GPC5: variants seen among roughly 807,000 people sequenced by gnomAD.
The protein encoded by GPC5 is glypican-5.
GPC5 carries 47 observed loss-of-function variants against 53.9 expected under a neutral mutation model. That is an observed-to-expected ratio of 0.87 (90% CI 0.69 to 1.11). The LOEUF (loss-of-function observed/expected upper bound fraction) is 1.11, where lower values mean the gene tolerates loss of function less well. Ranked by LOEUF, GPC5 falls within the 50% of genes most tolerant of loss-of-function variation. The probability of loss-of-function intolerance (pLI) is 0.00; values close to 1 mark genes in which losing one functional copy is unlikely to be tolerated. For missense variants in GPC5, 748 were observed against 713.1 expected (o/e 1.05, Z -0.56); for synonymous variants, 286 against 263.3 (o/e 1.09, Z -0.84).
intron 7 of GPC5, among the ~76,000 whole-genome samples, chr13:92,487,840 TAAAAAA>T (rs66972682): frequency 2.0e-5 from 2 of 99,596 alleles, no homozygotes; most frequent in African/African-American, 5.0e-5. Flanking sequence ...ATAAATATAG[TAAAAAA>T]AAAAAAAAAA....
chr13:91,471,221 A>G (rs1412744581), intron 2 of GPC5, among the ~76,000 whole-genome samples: 2 of 152,090 alleles, frequency 1.3e-5, no homozygotes, highest in African/African-American at 4.8e-5. Flanking sequence ...CTGCTTTTAC[A>G]TAAAACATTC....
chr13:92,585,692 C>T (rs1160136849), intron 7 of GPC5, among the ~76,000 whole-genome samples: 2 of 152,104 alleles, frequency 1.3e-5, no homozygotes, highest in Admixed American at 6.5e-5. Context: ...GCTGTGTCCC[C>T]ATCCAAATTT....
chr13:92,400,347 C>A (rs1875499622), intron 7 of GPC5, among the ~76,000 whole-genome samples: 1 of 152,146 alleles, frequency 6.6e-6, no homozygotes, highest in Non-Finnish European at 1.5e-5. Context: ...ACAGCAACAG[C>A]AACAGAGGGG....
At chr13:92,103,577 C>T (rs2041483460) in intron 6 of GPC5, among the ~76,000 whole-genome samples, 2 of 152,138 alleles carry the variant, frequency 1.3e-5, no homozygotes, top group South Asian at 2.1e-4. Flanking sequence ...TTTTGGAGAA[C>T]CCAAGGACCA....
intron 7 of GPC5, among the ~76,000 whole-genome samples, chr13:92,756,116 A>C (rs1874850371): frequency 6.6e-6 from 1 of 151,814 alleles, no homozygotes; most frequent in Non-Finnish European, 1.5e-5. Flanking sequence ...GCAGCACATC[A>C]AAAAGCTTAT....
intron 7 of GPC5, among the ~76,000 whole-genome samples, chr13:92,704,031 GAAATA>G (rs1322528112): frequency 6.6e-6 from 1 of 151,888 alleles, no homozygotes; most frequent in Admixed American, 6.6e-5. Flanking sequence ...ATCCTCATTG[GAAATA>G]AAATATGTTA....
rs61974507 is a variant in GPC5 at position 92,837,841 on chromosome 13, C to T, written c.1562-28441C>T. ...GGCACAGTGGCTCATGCCTGTAATC[C>T]CAGCACTTTGGGAGGCCGAGGCGGG... On this transcript the variant is annotated intron_variant, in intron 7 of 7. Transcript: ENST00000377067. Among the ~76,000 whole-genome samples, 1,234 of 152,030 alleles carry T rather than the reference C, an allele frequency of 8.1e-3. 4 individuals carry two copies. The highest frequency in any genetic ancestry group is 0.014 in the Non-Finnish European group (981 of 67,980).
In GPC5 at chr13:91,645,394, G is replaced by T. The variant is rs559204780; in HGVS notation, c.326-47793G>T. On this transcript the variant is annotated intron_variant, in intron 2 of 7. Transcript: ENST00000377067. Reference sequence around the variant, plus strand: ...TCTTGACTTTCATCAAGCTTTTCTTGGTCATTGTTTTATACCCTAACTCCA... The same window carrying T: ...TCTTGACTTTCATCAAGCTTTTCTTTGTCATTGTTTTATACCCTAACTCCA... 3.8e-4 allele frequency among the ~76,000 whole-genome samples: 58 copies of T among 151,964 alleles called. 2 individuals are homozygous for T. The South Asian group carries it at 0.012, about 31-fold the overall frequency.
At chr13:91,412,259 T>C (rs1877857415) in intron 1 of GPC5, among the ~76,000 whole-genome samples, 1 of 152,262 alleles carries the variant, frequency 6.6e-6, no homozygotes, top group African/African-American at 2.4e-5. Flanking sequence ...GTGGCTGAAT[T>C]GCTCAATCAG....
chr13:91,588,082 G>A (rs75711716), intron 2 of GPC5, among the ~76,000 whole-genome samples: 4,238 of 152,200 alleles, frequency 0.028, 180 homozygotes, highest in African/African-American at 0.094. Context: ...GTATTTGAAA[G>A]GCTAAATTGA....
intron 6 of GPC5, among the ~76,000 whole-genome samples, chr13:91,936,610 G>A (rs577661753): frequency 2.6e-5 from 4 of 151,898 alleles, no homozygotes; most frequent in Non-Finnish European, 5.9e-5. Context: ...CCACATAAGG[G>A]GATGTATCCA....
intron 7 of GPC5, among the ~76,000 whole-genome samples, chr13:92,219,668 CTG>C (rs2042435050): frequency 6.6e-6 from 1 of 152,102 alleles, no homozygotes; most frequent in African/African-American, 2.4e-5. Flanking sequence ...AGGAGTATAA[CTG>C]TATAACTTGA....
At chr13:91,871,381 A>C (rs2039142307) in intron 5 of GPC5, among the ~76,000 whole-genome samples, 1 of 152,112 alleles carries the variant, frequency 6.6e-6, no homozygotes, top group Non-Finnish European at 1.5e-5. Flanking sequence ...GGAGAGGAGC[A>C]GAAAAGATAA....
intron 7 of GPC5, among the ~76,000 whole-genome samples, chr13:92,506,962 C>G (rs1880391873): frequency 6.6e-6 from 1 of 152,144 alleles, no homozygotes; most frequent in African/African-American, 2.4e-5. Context: ...GTCTGTGCCT[C>G]TGTCTACACC....
intron 6 of GPC5, among the ~76,000 whole-genome samples, chr13:92,089,722 C>A (rs1443254803): frequency 6.6e-6 from 1 of 152,084 alleles, no homozygotes; most frequent in Non-Finnish European, 1.5e-5. Context: ...TTAATTATTA[C>A]TTTAACTATT....
chr13:91,481,169 TGTG>T (rs1194636192), intron 2 of GPC5, among the ~76,000 whole-genome samples: 2 of 152,210 alleles, frequency 1.3e-5, no homozygotes, highest in Non-Finnish European at 2.9e-5. Flanking sequence ...GAGAATGTCT[TGTG>T]GTGAGCATTC....
intron 5 of GPC5, among the ~76,000 whole-genome samples, chr13:91,859,235 T>G (rs908935021): frequency 1.3e-5 from 2 of 151,914 alleles, no homozygotes; most frequent in African/African-American, 4.8e-5. Context: ...AGGTGTATCA[T>G]CAGGTTATTT....
intron 5 of GPC5, among the ~76,000 whole-genome samples, chr13:91,842,656 CGCGCCACT>C (rs2138874575): frequency 3.0e-5 from 3 of 99,568 alleles, no homozygotes; most frequent in Non-Finnish European, 6.1e-5. Flanking sequence ...GAGCCGAGAT[CGCGCCACT>C]GCACCACTCC....
intron 7 of GPC5, among the ~76,000 whole-genome samples, chr13:92,849,632 A>C (rs902393517): frequency 1.7e-4 from 26 of 152,230 alleles, no homozygotes; most frequent in African/African-American, 5.8e-4. Context: ...AATTTTTAAC[A>C]AAGACTAGTA....
Sources: gnomAD v4.1 joint callset for allele counts (sites outside exome capture counted in the v4.1 genomes callset) on GRCh38, gnomAD v4.1.1 for gene constraint, MANE v1.5 for transcripts, NCBI Gene and HGNC (gene_info 2026-07-23, HGNC 2026-07-21) for gene names.